TSPAN2: variants seen among roughly 807,000 people sequenced by gnomAD.
The protein encoded by TSPAN2 is tetraspanin-2.
In TSPAN2, 24 loss-of-function variants were observed where a neutral mutation model predicts 33.3. That is an observed-to-expected ratio of 0.72 (90% CI 0.52 to 1.01). The LOEUF is 1.01. Ranked by LOEUF, TSPAN2 falls within the 50% of genes least tolerant of loss-of-function variation. The pLI, the probability that TSPAN2 is intolerant of heterozygous loss-of-function variation, is 0.00. For missense variants in TSPAN2, 278 were observed against 281.3 expected (o/e 0.99, Z 0.08); for synonymous variants, 114 against 104.5 (o/e 1.09, Z -0.56).
At chr1:115,081,429 T>C (rs2101047334) in intron 1 of TSPAN2, among the ~76,000 whole-genome samples, 1 of 152,362 alleles carries the variant, frequency 6.6e-6, no homozygotes, top group Middle Eastern at 3.4e-3. Context: ...TCCTGGAATA[T>C]CTGCCAACTG....
At chr1:115,060,625 T>C in intron 3 of TSPAN2, 87 bp from the exon 4 acceptor site, 1 of 996,674 alleles carries the variant, frequency 1.0e-6, no homozygotes, top group Non-Finnish European at 1.5e-6. Context: ...ATGTAATGGC[T>C]GAATCGCTTT....
chr1:115,071,880 T>C (rs1405969521), intron 2 of TSPAN2, among the ~76,000 whole-genome samples: 1 of 151,928 alleles, frequency 6.6e-6, no homozygotes, highest in Non-Finnish European at 1.5e-5. Flanking sequence ...GTCCCTGCTC[T>C]GAGTGGGGCC....
Position 115,053,442 on chromosome 1 carries a change from C to A in TSPAN2, c.537G>T (p.Glu179Asp), listed in dbSNP as rs1275082577. 7 of 1,613,842 alleles carry A rather than the reference C, an allele frequency of 4.3e-6. No homozygotes were observed. The highest frequency in any genetic ancestry group is 5.9e-6 in the Non-Finnish European group (7 of 1,179,852). Residue 179 changes from glutamate (E) to aspartate (D), a missense_variant, in exon 7 of 8, where the codon GAG becomes GAT. By Grantham distance (45) the Glu-to-Asp change is conservative. Coordinates refer to ENST00000369516, the MANE Select transcript of TSPAN2 (RefSeq NM_005725.6). ...GCTGGAGCTTAACACTGATTATGGTCTCAATTTCATCGATGCAATTCTGTT... is the reference window on the plus strand; with the variant it reads ...GCTGGAGCTTAACACTGATTATGGTATCAATTTCATCGATGCAATTCTGTT... ...LGHKNCIDEI[E>D]TIISVKLQLI...
rs905987601 is a variant in TSPAN2 at position 115,049,220 on chromosome 1, AC to A, written c.*1269del. On this transcript the variant is annotated 3_prime_UTR_variant, in exon 8 of 8. Transcript: ENST00000369516. ...AAAATGAAGCGTTAAGACCAAAAAA[AC>A]ATTGAAAATTTTATTTTCACAGGGG... 5 of 152,280 alleles carry A rather than the reference AC, an allele frequency of 3.3e-5. No individual in the cohort carries two copies. The highest frequency in any genetic ancestry group is 5.9e-5 in the Non-Finnish European group (4 of 67,990). The allele number at this position is 152,280 out of a possible 1,614,324, so 9.4% of individuals were successfully genotyped here. A position where few individuals can be genotyped will look rare whatever the true frequency, so the allele number is the denominator to read the frequency against.
chr1:115,050,928 C>T (rs1377532906), intron 7 of TSPAN2, among the ~76,000 whole-genome samples: 1 of 152,042 alleles, frequency 6.6e-6, no homozygotes, highest in Non-Finnish European at 1.5e-5. Flanking sequence ...TGTCCATAAC[C>T]ACTTGTTGTT....
intron 1 of TSPAN2, among the ~76,000 whole-genome samples, chr1:115,083,689 C>T (rs1209244564): frequency 6.6e-6 from 1 of 152,202 alleles, no homozygotes; most frequent in Non-Finnish European, 1.5e-5. Context: ...GCACTGATCA[C>T]CAAAGGTTTT....
intron 2 of TSPAN2, among the ~76,000 whole-genome samples, chr1:115,070,290 T>G (rs980503809): frequency 2.0e-5 from 3 of 152,190 alleles, no homozygotes; most frequent in Non-Finnish European, 4.4e-5. Context: ...GTTTCTTATC[T>G]TTCTGTTTCT....
At chr1:115,060,285 G>C (rs928435046) in intron 4 of TSPAN2, among the ~76,000 whole-genome samples, 179 bp downstream of exon 4, 2 of 152,060 alleles carry the variant, frequency 1.3e-5, no homozygotes, top group African/African-American at 4.8e-5. Context: ...ATGTGAGCAT[G>C]TATATATGCC....
At chr1:115,059,313 T>C (rs17033091) in intron 4 of TSPAN2, among the ~76,000 whole-genome samples, 4,653 of 152,298 alleles carry the variant, frequency 0.031, 217 homozygotes, top group African/African-American at 0.11. Flanking sequence ...ATAGGTATTT[T>C]AGGATAATTC....
intron 1 of TSPAN2, among the ~76,000 whole-genome samples, chr1:115,084,406 C>T (rs753454896): frequency 6.6e-6 from 1 of 152,176 alleles, no homozygotes; most frequent in Non-Finnish European, 1.5e-5. Context: ...GTATCCACTG[C>T]CCAGGTTTTG....
intron 5 of TSPAN2, 132 bp from the exon 6 acceptor site, chr1:115,057,740 C>A: frequency 1.3e-6 from 1 of 749,986 alleles, no homozygotes; most frequent in Non-Finnish European, 2.4e-6. Context: ...ACCCAGACTG[C>A]TATTTCTGGA....
At chr1:115,072,738 C>G (rs529511340) in intron 2 of TSPAN2, among the ~76,000 whole-genome samples, 167 bp downstream of exon 2, 1 of 152,264 alleles carries the variant, frequency 6.6e-6, no homozygotes, top group Admixed American at 6.5e-5. Flanking sequence ...GCAGACAACT[C>G]GGAGGGCTAC....
At chr1:115,067,561 A>G (rs902939348) in intron 2 of TSPAN2, among the ~76,000 whole-genome samples, 1 of 152,214 alleles carries the variant, frequency 6.6e-6, no homozygotes, top group Non-Finnish European at 1.5e-5. Context: ...CCAAGTAAAA[A>G]AATATGACCA....
At chr1:115,055,846 T>C (rs560337436) in intron 6 of TSPAN2, among the ~76,000 whole-genome samples, 4 of 152,314 alleles carry the variant, frequency 2.6e-5, no homozygotes, top group South Asian at 4.1e-4. Context: ...ATCATATGAA[T>C]ATACTACAAT....
chr1:115,054,110 T>C (rs574036467), intron 6 of TSPAN2, among the ~76,000 whole-genome samples: 175 of 152,270 alleles, frequency 1.1e-3, no homozygotes, highest in African/African-American at 4.2e-3. Flanking sequence ...TGGGGAAACT[T>C]AGACAGAAAG....
intron 4 of TSPAN2, among the ~76,000 whole-genome samples, chr1:115,060,105 T>C (rs1274008495): frequency 4.6e-5 from 7 of 152,140 alleles, no homozygotes; most frequent in Non-Finnish European, 8.8e-5. Context: ...TAAGGACAAA[T>C]GGCAGTCTGA....
intron 4 of TSPAN2, 52 bp from the exon 5 acceptor site, chr1:115,059,033 A>G (rs557532379): frequency 2.2e-6 from 3 of 1,387,812 alleles, no homozygotes; most frequent in Admixed American, 1.7e-5. Flanking sequence ...AGTTTCAAAC[A>G]TTCTCCTTTC....
At chr1:115,071,404 A>G (rs915163633) in intron 2 of TSPAN2, among the ~76,000 whole-genome samples, 5 of 152,198 alleles carry the variant, frequency 3.3e-5, no homozygotes, top group East Asian at 3.9e-4. Flanking sequence ...CACTGCAGCT[A>G]TCTTTTAAGG....
chr1:115,064,220 C>A (rs1476938982), intron 2 of TSPAN2, among the ~76,000 whole-genome samples: 3 of 152,198 alleles, frequency 2.0e-5, no homozygotes, highest in African/African-American at 7.2e-5. Context: ...GATGCCCTGG[C>A]CTGCAGCCCC....
Sources: gnomAD v4.1 joint callset for allele counts (sites outside exome capture counted in the v4.1 genomes callset) on GRCh38, gnomAD v4.1.1 for gene constraint, MANE v1.5 for transcripts, NCBI Gene and HGNC (gene_info 2026-07-23, HGNC 2026-07-21) for gene names.